SPATA25: variants seen among roughly 807,000 people sequenced by gnomAD.
SPATA25 encodes spermatogenesis associated 25, also known as spermatogenesis-associated protein 25.
In SPATA25, 16 loss-of-function variants were observed where a neutral mutation model predicts 16.0. The observed-to-expected ratio is 1.00, with a 90% CI of 0.68 to 1.52. SPATA25 has a LOEUF of 1.52. Ranked by LOEUF, SPATA25 falls within the 40% of genes most tolerant of loss-of-function variation. SPATA25 has a pLI of 0.00. For missense variants in SPATA25, 285 were observed against 289.2 expected, an observed-to-expected ratio of 0.99 and a Z score of 0.11; for synonymous variants, 115 against 118.5, an observed-to-expected ratio of 0.97 and a Z score of 0.19.
upstream of SPATA25, chr20:45,890,408 C>A (rs754067203): frequency 3.7e-6 from 6 of 1,612,044 alleles, no homozygotes; most frequent in Admixed American, 6.7e-5. Context: ...GGGGCGCGGG[C>A]AAAAGAGGAC....
At chr20:45,887,677 ACCCT>A (rs1986537766), upstream of SPATA25, 2 of 1,274,508 alleles carry the variant, frequency 1.6e-6, no homozygotes, top group Admixed American at 4.1e-5. Flanking sequence ...CACCTCATAG[ACCCT>A]CCCCTTCACA....
chr20:45,887,674 T>C, upstream of SPATA25: 1 of 1,313,858 alleles, frequency 7.6e-7, no homozygotes, highest in Non-Finnish European at 1.1e-6. Context: ...TGTCACCTCA[T>C]AGACCCTCCC....
At chr20:45,890,207 C>G, upstream of SPATA25, 1 of 1,612,464 alleles carries the variant, frequency 6.2e-7, no homozygotes, top group African/African-American at 1.3e-5. Flanking sequence ...AGATTCCAGT[C>G]CCCACACTGA....
upstream of SPATA25, among the ~76,000 whole-genome samples, chr20:45,888,060 A>G (rs1416702168): frequency 3.3e-5 from 5 of 151,954 alleles, no homozygotes; most frequent in Admixed American, 2.6e-4. Flanking sequence ...CCATGACTGG[A>G]AGGCTGGAGT....
chr20:45,887,015 G>T lies in SPATA25; in HGVS notation c.186C>A (p.Gly62=). ...TGGCTTGTGGCATTGCCAGGGCTGG[G>T]CCCCAGGCCTGGGCAGCAGGTGCCA... is the stretch of plus-strand genomic sequence containing the variant. ...EQVAPAAQAW[G]PALAMPQARG... Residue 62 remains glycine (G), a synonymous_variant, in exon 2 of 2, where the codon GGC becomes GGA. Transcript: ENST00000372519. The T allele has an allele frequency of 6.2e-7, 1 of 1,613,258 alleles. No individual in the cohort carries two copies. Among genetic ancestry groups the T allele is most frequent in the African/African-American group, 1.3e-5 (1 of 75,052 alleles).
chr20:45,886,821 A>T lies in SPATA25; in HGVS notation c.380T>A (p.Leu127Gln). The T allele has an allele frequency of 6.2e-7, 1 of 1,613,908 alleles. No individual in the cohort carries two copies. Among genetic ancestry groups the T allele is most frequent in the South Asian group, 1.1e-5 (1 of 91,088 alleles). Residue 127 changes from leucine to glutamine, a missense_variant, in exon 2 of 2, where the codon CTG becomes CAG. By Grantham distance (113) the Leu-to-Gln change is moderately radical. Coordinates refer to ENST00000372519, the MANE Select transcript of SPATA25 (RefSeq NM_080608.4). ...TAGAACCCGTGGTGACAGCCCACAC[A>T]GCATCAGGGGCCTAGGCCTGCTGGG... ...GGPSRPRPLM[L>Q]CGLSPRVLPV...
At chr20:45,888,949 A>G, upstream of SPATA25, 1 of 1,564,172 alleles carries the variant, frequency 6.4e-7, no homozygotes, top group Non-Finnish European at 8.7e-7. Context: ...GGTCTAGGTC[A>G]TGGTCCCCAC....
At chr20:45,890,934 C>G, upstream of SPATA25, 2 of 1,527,192 alleles carry the variant, frequency 1.3e-6, no homozygotes, top group Admixed American at 2.2e-5. Flanking sequence ...GGAGGGGGCT[C>G]CGGGCGCTCG....
chr20:45,887,980 A>G (rs138298323), upstream of SPATA25, among the ~76,000 whole-genome samples: 8 of 152,268 alleles, frequency 5.3e-5, no homozygotes, highest in East Asian at 1.3e-3. Flanking sequence ...CTTGTAGAGT[A>G]AGACTTCGGG....
chr20:45,886,768 C>G lies in SPATA25; in HGVS notation c.433G>C (p.Glu145Gln). ...LPVPSEAVGK[E>Q]ASSQPDICIL... The stretch of plus-strand genomic sequence containing the variant: ...CAGATATCAGGCTGGGAGCTGGCCT[C>G]CTTCCCCACTGCCTCAGAGGGTACC... The change falls in exon 2 of 2, where the codon GAG (glutamate) becomes CAG (glutamine). Residue 145 changes from glutamate to glutamine, a missense_variant. Physicochemically the swap from Glu to Gln is conservative, Grantham distance 29. Transcript: ENST00000372519. 1 of 1,614,046 alleles carries G rather than the reference C, an allele frequency of 6.2e-7. No individual in the cohort carries two copies. The highest frequency in any genetic ancestry group is 8.5e-7 in the Non-Finnish European group (1 of 1,180,044).
At chr20:45,887,178 C>A in intron 1 of SPATA25, 33 bp from the exon 2 acceptor site, 2 of 1,551,346 alleles carry the variant, frequency 1.3e-6, no homozygotes, top group Admixed American at 1.8e-5. Flanking sequence ...GAACGTTATT[C>A]TCAGTTCTTT....
rs1311292308 is a variant in SPATA25 at position 45,886,629 on chromosome 20, G to A, written c.572C>T (p.Pro191Leu). Residue 191 changes from proline (P) to leucine (L), a missense_variant, in exon 2 of 2, where the codon CCA (proline) becomes CTA (leucine). Transcript: ENST00000372519. The part of the protein sequence containing the change: ...AQAFMMAHPE[P>L]EGAVEGARWE... The stretch of plus-strand genomic sequence containing the variant: ...CCGCGCCCCCTCCACAGCACCCTCT[G>A]GCTCCGGATGGGCCATCATGAAAGC... The A allele has an allele frequency of 1.2e-6, 2 of 1,614,058 alleles. No homozygotes were observed. Among genetic ancestry groups the A allele is most frequent in the Non-Finnish European group, 1.7e-6 (2 of 1,180,046 alleles).
upstream of SPATA25, among the ~76,000 whole-genome samples, chr20:45,889,825 G>A (rs551077960): frequency 6.6e-6 from 1 of 152,200 alleles, no homozygotes; most frequent in Non-Finnish European, 1.5e-5. Flanking sequence ...TGTTGGCCAG[G>A]CTGGTCTCGA....
intron 1 of SPATA25, 45 bp downstream of exon 1, chr20:45,887,491 G>A: frequency 6.3e-7 from 1 of 1,598,200 alleles, no homozygotes; most frequent in East Asian, 2.2e-5. Context: ...AACTTCTCAG[G>A]GGAAGCTGCC....
upstream of SPATA25, chr20:45,887,727 C>G: frequency 1.4e-6 from 1 of 690,442 alleles, no homozygotes; most frequent in South Asian, 2.6e-5. Flanking sequence ...CCTATTCATT[C>G]TAGAACCTGG....
At chr20:45,889,619 C>T (rs201176219), upstream of SPATA25, among the ~76,000 whole-genome samples, 3 of 150,432 alleles carry the variant, frequency 2.0e-5, no homozygotes, top group Admixed American at 6.6e-5. Flanking sequence ...CTCTCTCTCT[C>T]TCTTTCTTTT....
At chr20:45,890,932 C>T (rs765612364), upstream of SPATA25, 9 of 1,526,452 alleles carry the variant, frequency 5.9e-6, no homozygotes, top group East Asian at 1.9e-4. Context: ...TGGGAGGGGG[C>T]TCCGGGCGCT....
At chr20:45,889,619 C>CTCTT (rs10639182), upstream of SPATA25, among the ~76,000 whole-genome samples, 80,192 of 150,418 alleles carry the variant, frequency 0.53, 21,945 homozygotes, top group Admixed American at 0.63. Flanking sequence ...CTCTCTCTCT[C>CTCTT]TCTTTCTTTT....
chr20:45,891,011 C>T (rs1424408761), upstream of SPATA25: 6 of 1,464,076 alleles, frequency 4.1e-6, no homozygotes, highest in Non-Finnish European at 4.5e-6. The surrounding 1 kb of genome is among the most constrained non-coding windows in gnomAD (Gnocchi z 4.6). Flanking sequence ...ATAGGGCAGG[C>T]CAGCTGGCGC....
Sources: gnomAD v4.1 joint callset for allele counts (sites outside exome capture counted in the v4.1 genomes callset) on GRCh38, gnomAD v4.1.1 for gene constraint, Gnocchi (gnomAD v3.1) non-coding constraint, MANE v1.5 for transcripts, NCBI Gene and HGNC (gene_info 2026-07-23, HGNC 2026-07-21) for gene names.